CADPS2: variants seen among roughly 807,000 people sequenced by gnomAD.
The protein encoded by CADPS2 is calcium dependent secretion activator 2.
A neutral mutation model predicts 172.5 loss-of-function variants in CADPS2; 93 were observed. That is an observed-to-expected ratio of 0.54 (90% CI 0.46 to 0.64). The LOEUF is 0.64. Ranked by LOEUF, CADPS2 falls within the 30% of genes least tolerant of loss-of-function variation. CADPS2 has a pLI of 0.00. For synonymous variants in CADPS2, 546 were observed against 555.2 expected (o/e 0.98, Z 0.23); for missense variants, 1,420 against 1,565.9 (o/e 0.91, Z 1.57).
intron 1 of CADPS2, among the ~76,000 whole-genome samples, chr7:122,844,817 G>A (rs914099230): frequency 6.6e-6 from 1 of 152,062 alleles, no homozygotes; most frequent in African/African-American, 2.4e-5. Flanking sequence ...AGTGAGTGGG[G>A]AGGATTCACA....
chr7:122,481,900 G>A (rs1424877652), intron 11 of CADPS2, among the ~76,000 whole-genome samples: 1 of 151,860 alleles, frequency 6.6e-6, no homozygotes, highest in Non-Finnish European at 1.5e-5. Flanking sequence ...AATCCCGGCT[G>A]CTGAGATTAC....
At chr7:122,790,773 A>G (rs973843200) in intron 1 of CADPS2, among the ~76,000 whole-genome samples, 4 of 152,178 alleles carry the variant, frequency 2.6e-5, no homozygotes, top group African/African-American at 4.8e-5. Context: ...ACTGCAATGC[A>G]TGACTAGTTC....
chr7:122,338,654 ATACT>A (rs1237053389), intron 28 of CADPS2, among the ~76,000 whole-genome samples: 1 of 152,244 alleles, frequency 6.6e-6, no homozygotes, highest in Non-Finnish European at 1.5e-5. Context: ...ATGGGAATCT[ATACT>A]AATTTGTGAA....
At chr7:122,439,081 TA>T (rs1437033575) in intron 16 of CADPS2, among the ~76,000 whole-genome samples, 1 of 152,144 alleles carries the variant, frequency 6.6e-6, no homozygotes, top group Non-Finnish European at 1.5e-5. Flanking sequence ...TTAAAATACA[TA>T]AAAACTTTCT....
intron 12 of CADPS2, among the ~76,000 whole-genome samples, chr7:122,477,038 GAGAGGAGAGAGAGA>G (rs2056735952): frequency 2.5e-4 from 18 of 71,926 alleles, no homozygotes; most frequent in Non-Finnish European, 4.1e-4. Context: ...GAGAGGAGAG[GAGAGGAGAGAGAGA>G]AGAGAGAGAG....
At chr7:122,885,531 C>T (rs1237476444) in intron 1 of CADPS2, among the ~76,000 whole-genome samples, 2 of 152,168 alleles carry the variant, frequency 1.3e-5, no homozygotes, top group Non-Finnish European at 2.9e-5. Flanking sequence ...GTGAAGACTT[C>T]ACTCTAGCTA....
At chr7:122,755,859 C>T (rs899165072) in intron 1 of CADPS2, among the ~76,000 whole-genome samples, 1 of 152,172 alleles carries the variant, frequency 6.6e-6, no homozygotes, top group Admixed American at 6.5e-5. Context: ...TCAAGTAACA[C>T]CTAGTTCTCT....
At chr7:122,686,873 C>T (rs775744026) in intron 2 of CADPS2, among the ~76,000 whole-genome samples, 4 of 151,992 alleles carry the variant, frequency 2.6e-5, no homozygotes, top group African/African-American at 7.2e-5. Flanking sequence ...TTAGTAGAGA[C>T]GGGGTTTTAC....
At chr7:122,781,034 T>A (rs1792567252) in intron 1 of CADPS2, among the ~76,000 whole-genome samples, 1 of 152,216 alleles carries the variant, frequency 6.6e-6, no homozygotes, top group African/African-American at 2.4e-5. Context: ...TAGAAAATCA[T>A]ATATAAGAAT....
intron 1 of CADPS2, among the ~76,000 whole-genome samples, chr7:122,776,661 G>C (rs1295289043): frequency 6.6e-6 from 1 of 152,198 alleles, no homozygotes; most frequent in South Asian, 2.1e-4. Flanking sequence ...TCAGAAGACA[G>C]GAAGATGTGG....
intron 1 of CADPS2, among the ~76,000 whole-genome samples, chr7:122,835,133 C>T (rs979310248): frequency 2.0e-5 from 3 of 152,156 alleles, no homozygotes; most frequent in Non-Finnish European, 4.4e-5. Context: ...CAGCAATATT[C>T]GATGTTCTGC....
chr7:122,491,012 T>G (rs1434429095), intron 10 of CADPS2, among the ~76,000 whole-genome samples: 1 of 152,160 alleles, frequency 6.6e-6, no homozygotes, highest in South Asian at 2.1e-4. Context: ...GCTATAACTT[T>G]TGCTTTCCCG....
At chr7:122,609,218 A>G (rs1005044566) in intron 6 of CADPS2, among the ~76,000 whole-genome samples, 5 of 152,140 alleles carry the variant, frequency 3.3e-5, no homozygotes, top group African/African-American at 4.8e-5. Context: ...AGACTAGTAC[A>G]TATAAGGAAA....
At chr7:122,379,931 C>G (rs1043232908) in intron 24 of CADPS2, among the ~76,000 whole-genome samples, 1 of 152,104 alleles carries the variant, frequency 6.6e-6, no homozygotes, top group Non-Finnish European at 1.5e-5. Flanking sequence ...TTTGTCAGCA[C>G]AGGGAGCAGC....
chr7:122,774,281 C>T (rs932658255), intron 1 of CADPS2, among the ~76,000 whole-genome samples: 31 of 149,448 alleles, frequency 2.1e-4, no homozygotes, highest in African/African-American at 7.4e-4. Context: ...CACACACACA[C>T]ACACACACAC....
chr7:122,700,885 A>G (rs1429209226), intron 2 of CADPS2, among the ~76,000 whole-genome samples: 1 of 151,904 alleles, frequency 6.6e-6, no homozygotes, highest in Non-Finnish European at 1.5e-5. Flanking sequence ...ATAATAATTT[A>G]GAACACTTTT....
At chr7:122,640,535 G>A (rs1340545795) in intron 3 of CADPS2, among the ~76,000 whole-genome samples, 1 of 151,202 alleles carries the variant, frequency 6.6e-6, no homozygotes, top group African/African-American at 2.4e-5. Context: ...GGGAAGGGGA[G>A]AAGAAATAAA....
At chr7:122,573,698 C>T (rs193095561) in intron 7 of CADPS2, among the ~76,000 whole-genome samples, 1 of 151,988 alleles carries the variant, frequency 6.6e-6, no homozygotes, top group Non-Finnish European at 1.5e-5. Context: ...TAAATAGTTA[C>T]CAGGAATATA....
At chr7:122,574,990 A>T (rs2067802103) in intron 7 of CADPS2, among the ~76,000 whole-genome samples, 1 of 152,160 alleles carries the variant, frequency 6.6e-6, no homozygotes, top group Non-Finnish European at 1.5e-5. Context: ...GTCACTCTGT[A>T]ACTTTTGATA....
Sources: allele counts gnomAD v4.1 joint callset (sites outside exome capture counted in the v4.1 genomes callset), GRCh38; gene constraint gnomAD v4.1.1; transcripts MANE v1.5; gene names NCBI Gene and HGNC (gene_info 2026-07-23, HGNC 2026-07-21).